The following NRROS variants were observed in gnomAD, a reference collection of about 807,000 sequenced individuals.
The protein encoded by NRROS is transforming growth factor beta activator LRRC33.
NRROS carries 6 observed loss-of-function variants against 12.0 expected under a neutral mutation model. That is an observed-to-expected ratio of 0.50 (90% CI 0.27 to 0.98). The LOEUF is 0.98. Among genes scored for constraint, NRROS ranks in the 50% least tolerant of loss-of-function variants. NRROS has a pLI of 0.11. For synonymous variants in NRROS, 462 were observed against 410.2 expected, an observed-to-expected ratio of 1.13 and a Z score of -1.53; for missense variants, 857 against 888.2, an observed-to-expected ratio of 0.96 and a Z score of 0.45.
In NRROS at chr3:196,660,138, G is replaced by A. The variant is rs201009966; in HGVS notation, c.495G>A (p.Ala165=). ...CCTCGCTGCGGTCCGTGTCCCTGGC[G>A]GGGAACACCATCATGCGGCTGGACG... is the stretch of plus-strand genomic sequence containing the variant. ...NLSSLRSVSL[A]GNTIMRLDDS... Residue 165 remains alanine, a synonymous_variant, in exon 3 of 3, where the codon GCG becomes GCA. Transcript: ENST00000328557. The surrounding 1 kb of genome is among the most constrained non-coding windows in gnomAD (Gnocchi z 7.7). The A allele has an allele frequency of 6.2e-7, 1 of 1,613,096 alleles. No individual in the cohort carries two copies. Among genetic ancestry groups the A allele is most frequent in the Non-Finnish European group, 8.5e-7 (1 of 1,179,940 alleles).
In NRROS at chr3:196,660,280, G is replaced by T; in HGVS notation, c.637G>T (p.Ala213Ser). 6.2e-7 allele frequency: 1 copy of T among 1,613,928 alleles called. No homozygotes were observed. Among genetic ancestry groups the T allele is most frequent in the Non-Finnish European group, 8.5e-7 (1 of 1,180,024 alleles). Reference protein sequence around the residue: ...GLAELRHLNLAFNNLPCIVDF... With the variant: ...GLAELRHLNLSFNNLPCIVDF... ...GGCTGAGCTGAGGCACCTCAACCTG[G>T]CCTTCAACAACCTCCCCTGCATCGT... The change falls in exon 3 of 3, where the codon GCC (alanine) becomes TCC (serine). Residue 213 changes from alanine to serine, a missense_variant. Transcript: ENST00000328557. This position sits in a 1 kb window ranked among gnomAD's most constrained non-coding sequence, Gnocchi z 7.7.
Position 196,659,296 on chromosome 3 carries a change from C to CTT in NRROS, c.109-435_109-434dup, listed in dbSNP as rs35305090. On this transcript the variant is annotated intron_variant, in intron 2 of 2. Transcript: ENST00000328557. Reference sequence around the variant, plus strand: ...TCAGGATGGTGAAAGCTCTCAAGTCCTTTTTTTTTTTTTTTTTTTTTTGAG... The same window carrying CTT: ...TCAGGATGGTGAAAGCTCTCAAGTCCTTTTTTTTTTTTTTTTTTTTTTTTGAG... 4.9e-4 allele frequency among the ~76,000 whole-genome samples: 40 copies of CTT among 81,426 alleles called. 1 individual carries two copies. The highest frequency in any genetic ancestry group is 4.1e-3 in the East Asian group (9 of 2,190). 53.4% of individuals were successfully genotyped at this position (81,426 alleles called of 152,430 possible). A position where few individuals can be genotyped will look rare whatever the true frequency, so the allele number is the denominator to read the frequency against.
intron 1 of NRROS, among the ~76,000 whole-genome samples, chr3:196,649,467 ATT>A (rs1425223640): frequency 6.6e-6 from 1 of 150,730 alleles, no homozygotes; most frequent in African/African-American, 2.5e-5. Flanking sequence ...AGGGAGAAAT[ATT>A]TGTTTCTCTC....
chr3:196,642,052 T>G (rs576978309), intron 1 of NRROS, among the ~76,000 whole-genome samples: 1 of 152,294 alleles, frequency 6.6e-6, no homozygotes, highest in East Asian at 1.9e-4. Context: ...CAAACCATTT[T>G]TCTCAACTTC....
chr3:196,640,799 G>C (rs1421874375), intron 1 of NRROS, among the ~76,000 whole-genome samples: 1 of 148,436 alleles, frequency 6.7e-6, no homozygotes, highest in Non-Finnish European at 1.5e-5. Context: ...TAGGAATGGA[G>C]CCTCTCCGGA....
chr3:196,645,790 T>C (rs1317246262), intron 1 of NRROS, among the ~76,000 whole-genome samples: 1 of 152,194 alleles, frequency 6.6e-6, no homozygotes, highest in Non-Finnish European at 1.5e-5. Context: ...GCCCACAGTC[T>C]ACCGTGGACC....
rs773696780 is a variant in NRROS at position 196,661,075 on chromosome 3, C to G, written c.1432C>G (p.Pro478Ala). The G allele has an allele frequency of 4.3e-5, 70 of 1,614,098 alleles. No individual in the cohort carries two copies. Among genetic ancestry groups the G allele is most frequent in the Non-Finnish European group, 5.5e-5 (65 of 1,180,018 alleles). Reference sequence around the variant, plus strand: ...GGAGGGCTGTGGCCTGGGGGCATTGCCAGACTGCCCATTCCAAGGGACCTC... The same window carrying G: ...GGAGGGCTGTGGCCTGGGGGCATTGGCAGACTGCCCATTCCAAGGGACCTC... ...SLEGCGLGAL[P>A]DCPFQGTSLT... The change falls in exon 3 of 3, where the codon CCA becomes GCA. Residue 478 changes from proline (P) to alanine (A), a missense_variant. Pro to Ala is a conservative substitution (Grantham distance 27). Transcript: ENST00000328557.
intron 1 of NRROS, among the ~76,000 whole-genome samples, chr3:196,646,690 G>A (rs4916532): frequency 0.19 from 28,393 of 152,168 alleles, 2,868 homozygotes; most frequent in African/African-American, 0.25. Flanking sequence ...GAAGGGCCCA[G>A]GGGAAGAAGG....
At chr3:196,641,532 C>T (rs1267405310) in intron 1 of NRROS, among the ~76,000 whole-genome samples, 1 of 152,158 alleles carries the variant, frequency 6.6e-6, no homozygotes, top group East Asian at 1.9e-4. Context: ...AATGAGTGCC[C>T]TCATGGGAAC....
rs753847346 is a variant in NRROS at position 196,661,093 on chromosome 3, G to C, written c.1450G>C (p.Gly484Arg). 2 of 1,614,130 alleles carry C rather than the reference G, an allele frequency of 1.2e-6. No homozygotes were observed. Among genetic ancestry groups the C allele is most frequent in the Admixed American group, 3.3e-5 (2 of 60,016 alleles). Reference protein sequence around the residue: ...LGALPDCPFQGTSLTYLDLSS... With the variant: ...LGALPDCPFQRTSLTYLDLSS... ...GGCATTGCCAGACTGCCCATTCCAA[G>C]GGACCTCCCTGACCTACTTAGACCT... The change falls in exon 3 of 3, where the codon GGG becomes CGG. Residue 484 changes from glycine to arginine, a missense_variant. By Grantham distance (125) the Gly-to-Arg change is moderately radical. Transcript: ENST00000328557.
chr3:196,648,461 G>A (rs1247813107), intron 1 of NRROS, among the ~76,000 whole-genome samples: 1 of 151,980 alleles, frequency 6.6e-6, no homozygotes, highest in Non-Finnish European at 1.5e-5. Flanking sequence ...TTTTCTGTTA[G>A]AGATTCTTTA....
chr3:196,646,426 A>G (rs76866956), intron 1 of NRROS, among the ~76,000 whole-genome samples: 279 of 152,366 alleles, frequency 1.8e-3, no homozygotes, highest in African/African-American at 6.5e-3. Context: ...ACCTACCACC[A>G]GCCACCACCA....
chr3:196,657,689 A>C (rs923466402), intron 2 of NRROS, among the ~76,000 whole-genome samples: 1 of 149,962 alleles, frequency 6.7e-6, no homozygotes, highest in East Asian at 1.9e-4. Flanking sequence ...CCTGGACGAC[A>C]AGAGTGAGAC....
rs111418761 is a variant in NRROS, at chr3:196,652,709, G to A, written c.-13-1818G>A. 7.9e-4 allele frequency among the ~76,000 whole-genome samples: 120 copies of A among 152,270 alleles called. 2 individuals carry two copies. In the South Asian group the frequency reaches 1.0e-2, roughly 13 times the overall value. On this transcript the variant is annotated intron_variant, in intron 1 of 2. Coordinates refer to ENST00000328557, the MANE Select transcript of NRROS (RefSeq NM_198565.3). ...CCCTCCTGAGTGTGACACAAGGCCT[G>A]GCTTGCCTTCCAGTCTGAAGGTTGC...
chr3:196,641,201 A>T (rs976961608), intron 1 of NRROS, among the ~76,000 whole-genome samples: 5 of 152,048 alleles, frequency 3.3e-5, no homozygotes, highest in Admixed American at 1.3e-4. Context: ...GGCACTTTTT[A>T]AAAATATATA....
At chr3:196,653,178 A>G (rs1737464986) in intron 1 of NRROS, among the ~76,000 whole-genome samples, 1 of 152,154 alleles carries the variant, frequency 6.6e-6, no homozygotes, top group South Asian at 2.1e-4. Context: ...GTGCAGAGGC[A>G]GAAATGGGTC....
chr3:196,659,979 G>C lies in NRROS; in HGVS notation c.336G>C (p.Leu112=). 1 of 1,613,754 alleles carries C rather than the reference G, an allele frequency of 6.2e-7. No individual in the cohort carries two copies. The highest frequency in any genetic ancestry group is 8.5e-7 in the Non-Finnish European group (1 of 1,179,864). The part of the protein sequence containing the change: ...QEQGHLRSLV[L]GDNCLSENYE... ...AAGGTCACCTGCGCAGCCTGGTCCTGGGGGACAACTGCCTCTCAGAGAACT... is the reference window on the plus strand; with the variant it reads ...AAGGTCACCTGCGCAGCCTGGTCCTCGGGGACAACTGCCTCTCAGAGAACT... The change falls in exon 3 of 3, where the codon CTG becomes CTC. Residue 112 remains leucine, a synonymous_variant. Coordinates refer to ENST00000328557, the MANE Select transcript of NRROS (RefSeq NM_198565.3).
At position 196,653,649 on chromosome 3, in the gene NRROS, C is replaced by T. The variant is rs191186740; in HGVS notation, c.-13-878C>T. 3.9e-4 allele frequency among the ~76,000 whole-genome samples: 60 copies of T among 152,368 alleles called. No individual in the cohort carries two copies. In the East Asian group the frequency reaches 8.5e-3, roughly 22 times the overall value. On this transcript the variant is annotated intron_variant, in intron 1 of 2. Transcript: ENST00000328557. ...GCTGGGAGAAACTGCCCTGCTCACT[C>T]ATCGGAGCTCGGGGAGCGAGGCGGG...
chr3:196,650,637 C>A (rs922946854), intron 1 of NRROS, among the ~76,000 whole-genome samples: 1 of 152,252 alleles, frequency 6.6e-6, no homozygotes, highest in African/African-American at 2.4e-5. Flanking sequence ...GTACGTTCTT[C>A]TTCCTCACTG....
Sources: gnomAD v4.1 joint callset for allele counts (sites outside exome capture counted in the v4.1 genomes callset) on GRCh38, gnomAD v4.1.1 for gene constraint, Gnocchi (gnomAD v3.1) non-coding constraint, MANE v1.5 for transcripts, NCBI Gene and HGNC (gene_info 2026-07-23, HGNC 2026-07-21) for gene names.